ZNF208: variants seen among roughly 807,000 people sequenced by gnomAD.
The protein encoded by ZNF208 is zinc finger protein 208.
A neutral mutation model predicts 12.1 loss-of-function variants in ZNF208; 10 were observed. The ratio of observed to expected loss-of-function variants is 0.83; its 90% CI spans 0.51 to 1.40. The LOEUF is 1.40. ZNF208 is among the 40% of genes most tolerant of loss of function. ZNF208 has a pLI of 0.00. For synonymous variants in ZNF208, 497 were observed against 488.4 expected (o/e 1.02, Z -0.23); for missense variants, 1,652 against 1,485.0 (o/e 1.11, Z -1.85).
Position 21,985,773 on chromosome 19 carries a change from C to T in ZNF208, c.226+1443G>A, listed in dbSNP as rs145394286. On this transcript the variant is annotated intron_variant, in intron 3 of 3. Transcript: ENST00000397126. ...GACTCAGTTCCAGTTTCCTAAGCCA[C>T]GGTTCATGGCCACTTCTGCCCATGT... 2.9e-3 allele frequency among the ~76,000 whole-genome samples: 447 copies of T among 151,928 alleles called. 1 individual carries two copies. The highest frequency in any genetic ancestry group is 9.1e-3 in the African/African-American group (375 of 41,232).
intron 3 of ZNF208, among the ~76,000 whole-genome samples, chr19:21,978,649 C>T (rs952565154): frequency 1.3e-5 from 2 of 152,152 alleles, no homozygotes; most frequent in African/African-American, 4.8e-5. Flanking sequence ...AATTCCAAAA[C>T]CCAGAATGCC....
At chr19:21,988,537 G>A (rs1034809490) in intron 2 of ZNF208, among the ~76,000 whole-genome samples, 4 of 152,098 alleles carry the variant, frequency 2.6e-5, no homozygotes, top group African/African-American at 9.7e-5. Context: ...CCTTCATTAA[G>A]TCAAGCAGCT....
Position 21,952,142 on chromosome 19 carries a change from C to T in ZNF208, c.306-18905G>A, listed in dbSNP as rs539594707. On this transcript the variant is annotated intron_variant, in intron 4 of 4. Coordinates refer to the ZNF208 transcript ENST00000599916. ...GGCTTGAGTAGCTAAACGAAGTGGC[C>T]GGGAAGCTTGAACTGGGTGGAGCCC... Among the ~76,000 whole-genome samples the T allele has an allele frequency of 9.1e-4, 138 of 152,252 alleles. 1 individual carries two copies. The highest frequency in any genetic ancestry group is 3.2e-3 in the African/African-American group (135 of 41,556).
At chr19:21,988,998 CT>C in intron 1 of ZNF208, 89 bp from the exon 2 acceptor site, 2 of 1,517,458 alleles carry the variant, frequency 1.3e-6, no homozygotes, top group South Asian at 2.5e-5. Flanking sequence ...GTAAAGAGAG[CT>C]GGTTCTGACT....
chr19:21,977,234 A>G (rs1970448070), intron 3 of ZNF208, among the ~76,000 whole-genome samples: 1 of 152,220 alleles, frequency 6.6e-6, no homozygotes, highest in Admixed American at 6.5e-5. Flanking sequence ...TTATAGTAGG[A>G]TATTATTACA....
chr19:21,941,506 GT>G (rs1261131263), intron 4 of ZNF208: 2 of 397,058 alleles, frequency 5.0e-6, no homozygotes, highest in Non-Finnish European at 8.9e-6. Context: ...ATGAATAAAG[GT>G]GATTCTCAAC....
chr19:22,002,192 A>G (rs1568457447), intron 1 of ZNF208, among the ~76,000 whole-genome samples: 1 of 152,204 alleles, frequency 6.6e-6, no homozygotes, highest in Admixed American at 6.5e-5. Flanking sequence ...TTGAAGATGC[A>G]TACGTCAAAA....
chr19:21,950,736 C>T (rs866257449), intron 4 of ZNF208, among the ~76,000 whole-genome samples: 27 of 152,140 alleles, frequency 1.8e-4, no homozygotes, highest in African/African-American at 6.5e-4. Context: ...CTCAGGTGAT[C>T]CACCCGCCTC....
intron 4 of ZNF208, among the ~76,000 whole-genome samples, chr19:21,949,663 A>G (rs1011418111): frequency 3.3e-5 from 5 of 152,208 alleles, no homozygotes; most frequent in African/African-American, 1.2e-4. Context: ...TAAGGAAGGC[A>G]TTTAATCTCT....
At chr19:21,963,125 CTTACTT>C, downstream of ZNF208, among the ~76,000 whole-genome samples, 1 of 151,836 alleles carries the variant, frequency 6.6e-6, no homozygotes, top group Middle Eastern at 3.4e-3. Context: ...CAATGCTCTT[CTTACTT>C]TAACAATGAT....
At chr19:21,962,318 G>A (rs1283457593), downstream of ZNF208, among the ~76,000 whole-genome samples, 1 of 152,066 alleles carries the variant, frequency 6.6e-6, no homozygotes, top group Non-Finnish European at 1.5e-5. Context: ...GGTGAAAAGG[G>A]CTGATGAAAA....
chr19:21,988,630 A>G (rs1024294658), intron 2 of ZNF208, among the ~76,000 whole-genome samples, 153 bp downstream of exon 2: 3 of 152,188 alleles, frequency 2.0e-5, no homozygotes, highest in African/African-American at 7.2e-5. Context: ...TGTTGACTAG[A>G]AGCAAGGAGG....
chr19:21,973,706 T>C lies in ZNF208; in HGVS notation c.1328A>G (p.His443Arg). ...AFNWSSNLME[H>R]KKIHTGETPY... ...TGTCTCTCCAGTGTGAATTTTCTTA[T>C]GTTCCATAAGGTTTGAGGACCAGTT... is the stretch of plus-strand genomic sequence containing the variant. The change falls in exon 4 of 4, where the codon CAT becomes CGT. Residue 443 changes from histidine to arginine, a missense_variant. Transcript: ENST00000397126. The C allele has an allele frequency of 1.9e-6, 3 of 1,572,476 alleles. No individual in the cohort carries two copies. Among genetic ancestry groups the C allele is most frequent in the East Asian group, 2.3e-5 (1 of 43,508 alleles).
intron 4 of ZNF208, among the ~76,000 whole-genome samples, chr19:21,953,454 G>C (rs771101866): frequency 6.6e-6 from 1 of 152,140 alleles, no homozygotes; most frequent in Non-Finnish European, 1.5e-5. Context: ...CAGACTAACA[G>C]TGGCTCTCTC....
intron 4 of ZNF208, among the ~76,000 whole-genome samples, chr19:21,943,460 A>T (rs767086870): frequency 6.6e-6 from 1 of 152,242 alleles, no homozygotes; most frequent in Non-Finnish European, 1.5e-5. Flanking sequence ...GTGGCATACT[A>T]ATAAAAATGA....
At chr19:21,958,231 T>C (rs968292465) in intron 4 of ZNF208, among the ~76,000 whole-genome samples, 9 of 152,072 alleles carry the variant, frequency 5.9e-5, no homozygotes, top group Non-Finnish European at 4.4e-5. Context: ...ACATTTCTCA[T>C]GAACTTCTAG....
At chr19:21,959,577 T>A (rs904560982) in intron 4 of ZNF208, among the ~76,000 whole-genome samples, 1 of 152,144 alleles carries the variant, frequency 6.6e-6, no homozygotes, top group Non-Finnish European at 1.5e-5. Flanking sequence ...ATCCCTTTGT[T>A]TTTCAGGCAG....
intron 3 of ZNF208, among the ~76,000 whole-genome samples, chr19:21,980,090 A>G (rs1200885157): frequency 1.3e-5 from 2 of 152,120 alleles, no homozygotes; most frequent in African/African-American, 2.4e-5. Context: ...GTTCTTACAG[A>G]CCTACAAAGA....
intron 1 of ZNF208, among the ~76,000 whole-genome samples, chr19:22,009,921 T>C (rs1001971450): frequency 3.3e-5 from 5 of 152,100 alleles, no homozygotes; most frequent in Non-Finnish European, 5.9e-5. Flanking sequence ...CGCGGTGGCT[T>C]ACGCCTATAA....
Sources: gnomAD v4.1 joint callset for allele counts (sites outside exome capture counted in the v4.1 genomes callset) on GRCh38, gnomAD v4.1.1 for gene constraint, MANE v1.5 for transcripts, NCBI Gene and HGNC (gene_info 2026-07-23, HGNC 2026-07-21) for gene names.